SLC4A4: variants seen among roughly 807,000 people sequenced by gnomAD.
SLC4A4 encodes the protein solute carrier family 4 member 4, also known as electrogenic sodium bicarbonate cotransporter 1.
Under a neutral mutation model 111.5 loss-of-function variants are expected in SLC4A4, and 27 were observed. The ratio of observed to expected loss-of-function variants is 0.24; its 90% CI spans 0.18 to 0.33. SLC4A4 has a LOEUF of 0.33. Among genes scored for constraint, SLC4A4 ranks in the 10% least tolerant of loss-of-function variants. The pLI is 1.00. For synonymous variants in SLC4A4, 443 were observed against 463.4 expected (o/e 0.96, Z 0.57); for missense variants, 909 against 1,315.5 (o/e 0.69, Z 4.78).
chr4:71,093,700 C>T (rs10005463), intron 2 of SLC4A4, among the ~76,000 whole-genome samples: 13,925 of 152,034 alleles, frequency 0.092, 790 homozygotes, highest in African/African-American at 0.16. Flanking sequence ...GAAAAATGAG[C>T]GTGGAGATGC....
At position 71,570,008 on chromosome 4, in the gene SLC4A4, TG is replaced by T. The variant is rs1298292585; in HGVS notation, c.*2259del. 1 of 151,776 alleles carries T rather than the reference TG, an allele frequency of 6.6e-6. No individual in the cohort carries two copies. Among genetic ancestry groups the T allele is most frequent in the Non-Finnish European group, 1.5e-5 (1 of 67,834 alleles). The allele number at this position is 151,776 out of a possible 1,614,324, so 9.4% of individuals were successfully genotyped here. A position where few individuals can be genotyped will look rare whatever the true frequency, so the allele number is the denominator to read the frequency against. ...AGCTTTCTATTACCCTAATATAAAC[TG>T]GTATAAGAAGACTTTCCTTTTTTCT... On this transcript the variant is annotated 3_prime_UTR_variant, in exon 26 of 26. Coordinates refer to ENST00000264485, the MANE Select transcript of SLC4A4 (RefSeq NM_001098484.3).
intron 3 of SLC4A4, among the ~76,000 whole-genome samples, chr4:71,320,705 GCTGGTA>G (rs1173626583): frequency 6.6e-6 from 1 of 152,004 alleles, no homozygotes; most frequent in East Asian, 1.9e-4. Context: ...ACTAGCTTAA[GCTGGTA>G]CTTGATGGAT....
rs76010833 is a variant in SLC4A4, at chr4:71,443,522, A to G, written c.965+2749A>G. 1.3e-4 allele frequency among the ~76,000 whole-genome samples: 20 copies of G among 152,266 alleles called. No homozygotes were observed. The East Asian group carries it at 3.1e-3, about 24-fold the overall frequency. ...CATTTTGCAGTTGAGAGATGAAGGCAAAGGGAAGATTCAGCATCAGTGCTG... is the reference window on the plus strand; with the variant it reads ...CATTTTGCAGTTGAGAGATGAAGGCGAAGGGAAGATTCAGCATCAGTGCTG... On this transcript the variant is annotated intron_variant, in intron 8 of 25. Transcript: ENST00000264485.
At chr4:71,091,670 T>C (rs929209893) in intron 1 of SLC4A4, among the ~76,000 whole-genome samples, 2 of 152,170 alleles carry the variant, frequency 1.3e-5, no homozygotes, top group African/African-American at 4.8e-5. Flanking sequence ...TCAGCGTTTC[T>C]ATGGACATTC....
In SLC4A4 at chr4:71,068,737, A is replaced by AT. The variant is rs535860136; in HGVS notation, c.-65+5956dup. On this transcript the variant is annotated intron_variant, in intron 1 of 26. Coordinates refer to the SLC4A4 transcript ENST00000649996. ...CCACCACACCCAGCTAATTTTTTGC[A>AT]TTTTTTTGTAGAGACGAGGGGATCT... is the stretch of plus-strand genomic sequence containing the variant. 3.0e-4 allele frequency among the ~76,000 whole-genome samples: 45 copies of AT among 151,526 alleles called. 1 individual carries two copies. The South Asian group carries it at 6.7e-3, about 23-fold the overall frequency.
chr4:71,523,369 T>G (rs1026191687), intron 16 of SLC4A4, among the ~76,000 whole-genome samples: 1 of 152,196 alleles, frequency 6.6e-6, no homozygotes, highest in African/African-American at 2.4e-5. Context: ...TTCTTAAGAA[T>G]GACAAAGGGA....
intron 12 of SLC4A4, among the ~76,000 whole-genome samples, chr4:71,461,007 AG>A (rs1490319102): frequency 5.3e-5 from 8 of 152,142 alleles, no homozygotes; most frequent in Non-Finnish European, 8.8e-5. Flanking sequence ...AAATTCATAT[AG>A]GTTAATTCTG....
chr4:71,112,718 A>G (rs1271344884), intron 2 of SLC4A4, among the ~76,000 whole-genome samples: 1 of 152,156 alleles, frequency 6.6e-6, no homozygotes, highest in Non-Finnish European at 1.5e-5. Flanking sequence ...ATTCTGTTTC[A>G]GTAGATCTGG....
chr4:71,541,050 TG>T (rs1735006749), intron 18 of SLC4A4, among the ~76,000 whole-genome samples: 1 of 152,122 alleles, frequency 6.6e-6, no homozygotes, highest in African/African-American at 2.4e-5. Context: ...TTCTAGTCTC[TG>T]GCCAGTAGAG....
intron 12 of SLC4A4, among the ~76,000 whole-genome samples, chr4:71,455,678 A>G (rs1726183200): frequency 6.6e-6 from 1 of 152,116 alleles, no homozygotes; most frequent in South Asian, 2.1e-4. Context: ...TAATTTTTAA[A>G]CTTTTTTTGA....
intron 2 of SLC4A4, among the ~76,000 whole-genome samples, chr4:71,125,890 T>TGC (rs1743548825): frequency 2.6e-5 from 4 of 152,172 alleles, no homozygotes; most frequent in Non-Finnish European, 5.9e-5. Context: ...AGATCACTCA[T>TGC]TTTAAGAAGC....
intron 7 of SLC4A4, among the ~76,000 whole-genome samples, chr4:71,420,427 G>A (rs1722336240): frequency 6.6e-6 from 1 of 152,138 alleles, no homozygotes; most frequent in Non-Finnish European, 1.5e-5. Flanking sequence ...ATATTATCCA[G>A]GAGAACTTCC....
chr4:71,171,934 T>C (rs775880640), intron 2 of SLC4A4, among the ~76,000 whole-genome samples: 1 of 152,244 alleles, frequency 6.6e-6, no homozygotes, highest in Non-Finnish European at 1.5e-5. Flanking sequence ...TGAGGGCTAC[T>C]GGTGGAGGCA....
chr4:71,504,077 A>G (rs1467782266), intron 16 of SLC4A4, among the ~76,000 whole-genome samples: 1 of 152,162 alleles, frequency 6.6e-6, no homozygotes, highest in Non-Finnish European at 1.5e-5. Context: ...CTTGCAGCTT[A>G]TAGAATTCTC....
chr4:71,267,921 T>G (rs1317769888), intron 3 of SLC4A4, among the ~76,000 whole-genome samples: 1 of 151,998 alleles, frequency 6.6e-6, no homozygotes, highest in Non-Finnish European at 1.5e-5. Context: ...AGTACTGATT[T>G]TTAACCTGAG....
intron 9 of SLC4A4, among the ~76,000 whole-genome samples, chr4:71,448,312 T>G (rs1215122042): frequency 9.1e-6 from 1 of 109,676 alleles, no homozygotes; most frequent in Non-Finnish European, 2.1e-5. Context: ...AGAGCGAGAT[T>G]CCATCTCAAA....
chr4:71,314,179 A>C (rs576283451), intron 3 of SLC4A4, among the ~76,000 whole-genome samples: 2 of 152,336 alleles, frequency 1.3e-5, no homozygotes, highest in South Asian at 4.1e-4. Flanking sequence ...AAAGCTCATC[A>C]TCACTGGTCA....
At position 71,509,797 on chromosome 4, in the gene SLC4A4, C is replaced by T. The variant is rs531717592; in HGVS notation, c.2166+12105C>T. ...CTTGTTCCTCATGGGTGAAGATGCC[C>T]CATGGGTTTGAGCAATGGGTTCTTA... On this transcript the variant is annotated intron_variant, in intron 16 of 25. Coordinates refer to ENST00000264485, the MANE Select transcript of SLC4A4 (RefSeq NM_001098484.3). Among the ~76,000 whole-genome samples the T allele has an allele frequency of 2.0e-5, 3 of 152,166 alleles. No homozygotes were observed. The South Asian group carries it at 6.2e-4, about 32-fold the overall frequency.
intron 15 of SLC4A4, among the ~76,000 whole-genome samples, chr4:71,490,128 C>T (rs1729766655): frequency 6.6e-6 from 1 of 151,772 alleles, no homozygotes; most frequent in Non-Finnish European, 1.5e-5. Context: ...AACTTGCAAA[C>T]CAAATTCCTT....
Sources: gnomAD v4.1 joint callset for allele counts (sites outside exome capture counted in the v4.1 genomes callset) on GRCh38, gnomAD v4.1.1 for gene constraint, MANE v1.5 for transcripts, NCBI Gene and HGNC (gene_info 2026-07-23, HGNC 2026-07-21) for gene names.